The following ARHGEF26 variants were observed in gnomAD, a reference collection of about 807,000 sequenced individuals.
The protein encoded by ARHGEF26 is Rho guanine nucleotide exchange factor (GEF) 26.
In ARHGEF26, 59 loss-of-function variants were observed where a neutral mutation model predicts 89.4. That is an observed-to-expected ratio of 0.66 (90% CI 0.54 to 0.82). ARHGEF26 has a LOEUF of 0.82. Ranked by LOEUF, ARHGEF26 falls within the 40% of genes least tolerant of loss-of-function variation. ARHGEF26 has a pLI of 0.00. For missense variants in ARHGEF26, 1,234 were observed against 1,085.6 expected, an observed-to-expected ratio of 1.14 and a Z score of -1.92; for synonymous variants, 500 against 428.4, an observed-to-expected ratio of 1.17 and a Z score of -2.06.
chr3:154,225,834 C>T, intron 10 of ARHGEF26, 22 bp from the exon 11 acceptor site: 1 of 1,574,464 alleles, frequency 6.4e-7, no homozygotes, highest in East Asian at 2.3e-5. Context: ...GCTTTGGTCA[C>T]TGGGTTTTTC....
At chr3:154,211,180 C>T (rs1715338592) in intron 9 of ARHGEF26, among the ~76,000 whole-genome samples, 1 of 152,022 alleles carries the variant, frequency 6.6e-6, no homozygotes, top group African/African-American at 2.4e-5. Context: ...CATGTGAGCC[C>T]CCATTCCATT....
chr3:154,234,914 C>G (rs546027458), intron 11 of ARHGEF26, among the ~76,000 whole-genome samples: 1 of 152,086 alleles, frequency 6.6e-6, no homozygotes, highest in Non-Finnish European at 1.5e-5. Flanking sequence ...TACAGGCGCT[C>G]ACCACCGCGC....
chr3:154,247,578 A>G lies in ARHGEF26; in HGVS notation c.2301-5538A>G, dbSNP rs191189506. Among the ~76,000 whole-genome samples, 10 of 152,242 alleles carry G rather than the reference A, an allele frequency of 6.6e-5. 1 individual carries two copies. In the South Asian group the frequency reaches 1.5e-3, roughly 22 times the overall value. On this transcript the variant is annotated intron_variant, in intron 12 of 14. Transcript: ENST00000465093. ...TTTGTACATAGCGAGTAGGTTCCCAATAAATATTTTTGGGATTGACCCATA... is the reference window on the plus strand; with the variant it reads ...TTTGTACATAGCGAGTAGGTTCCCAGTAAATATTTTTGGGATTGACCCATA...
intron 10 of ARHGEF26, 113 bp from the exon 11 acceptor site, chr3:154,225,743 A>G: frequency 8.8e-7 from 1 of 1,131,800 alleles, no homozygotes; most frequent in Non-Finnish European, 1.2e-6. Flanking sequence ...TAAAACAATG[A>G]TGCATACTAT....
At chr3:154,139,251 TA>T (rs769155381) in intron 4 of ARHGEF26, among the ~76,000 whole-genome samples, 2 of 152,208 alleles carry the variant, frequency 1.3e-5, no homozygotes, top group Non-Finnish European at 2.9e-5. Context: ...CTCTGTTCTC[TA>T]AATTTTGGAG....
intron 6 of ARHGEF26, among the ~76,000 whole-genome samples, chr3:154,154,526 G>T (rs1720212520): frequency 6.6e-6 from 1 of 151,786 alleles, no homozygotes; most frequent in African/African-American, 2.4e-5. Context: ...ACATAAAGAA[G>T]AAAGTCTAGT....
intron 9 of ARHGEF26, among the ~76,000 whole-genome samples, chr3:154,199,161 A>C (rs1714467269): frequency 6.6e-6 from 1 of 151,538 alleles, no homozygotes; most frequent in East Asian, 1.9e-4. Flanking sequence ...GGTCTTGTTC[A>C]TTTTATTTTT....
At chr3:154,231,325 A>C (rs1306475584) in intron 11 of ARHGEF26, among the ~76,000 whole-genome samples, 1 of 152,146 alleles carries the variant, frequency 6.6e-6, no homozygotes, top group African/African-American at 2.4e-5. Flanking sequence ...CATTGCTGTT[A>C]AATGTTGAAA....
intron 6 of ARHGEF26, among the ~76,000 whole-genome samples, chr3:154,162,826 GGAAT>G (rs753010909): frequency 6.6e-6 from 1 of 152,072 alleles, no homozygotes. Context: ...GCTTGGGAAA[GGAAT>G]GAATGAATGA....
chr3:154,246,694 C>G lies in ARHGEF26; in HGVS notation c.2300+6115C>G, dbSNP rs747398596. Among the ~76,000 whole-genome samples, 5 of 152,210 alleles carry G rather than the reference C, an allele frequency of 3.3e-5. No homozygotes were observed. The South Asian group carries it at 1.0e-3, about 32-fold the overall frequency. ...TGGGGCAAACAATAAGAACCCTAAC[C>G]CTAATCCTGTTGGAGTAGTCGAGGG... On this transcript the variant is annotated intron_variant, in intron 12 of 14. Coordinates refer to ENST00000465093, the MANE Select transcript of ARHGEF26 (RefSeq NM_015595.4).
chr3:154,170,634 T>TGA (rs945974271), intron 6 of ARHGEF26, among the ~76,000 whole-genome samples: 1 of 152,236 alleles, frequency 6.6e-6, no homozygotes, highest in Non-Finnish European at 1.5e-5. Flanking sequence ...GTCATGTGTG[T>TGA]AAAATGGAGA....
At chr3:154,123,246 G>T (rs1161381751) in intron 2 of ARHGEF26, among the ~76,000 whole-genome samples, 171 bp downstream of exon 2, 2 of 152,150 alleles carry the variant, frequency 1.3e-5, no homozygotes, top group Non-Finnish European at 2.9e-5. Context: ...ATGCTGGCAG[G>T]CACAGCCGAG....
At chr3:154,206,552 A>T (rs1715030781) in intron 9 of ARHGEF26, among the ~76,000 whole-genome samples, 1 of 152,194 alleles carries the variant, frequency 6.6e-6, no homozygotes, top group South Asian at 2.1e-4. Flanking sequence ...AATACAGCTA[A>T]CAAGGGAAGT....
intron 9 of ARHGEF26, among the ~76,000 whole-genome samples, chr3:154,209,042 C>G (rs1001533941): frequency 5.3e-5 from 8 of 152,104 alleles, no homozygotes; most frequent in Admixed American, 2.0e-4. Context: ...GCTGGGATTA[C>G]AGGCGTGAGC....
intron 12 of ARHGEF26, among the ~76,000 whole-genome samples, chr3:154,247,043 C>G (rs1576827175): frequency 6.6e-6 from 1 of 152,276 alleles, no homozygotes; most frequent in Non-Finnish European, 1.5e-5. Flanking sequence ...GTTTCACACC[C>G]AGCAGTCCAA....
chr3:154,230,419 T>C (rs1458931933), intron 11 of ARHGEF26, among the ~76,000 whole-genome samples: 2 of 152,252 alleles, frequency 1.3e-5, no homozygotes, highest in Non-Finnish European at 2.9e-5. Flanking sequence ...TTCTTCATTT[T>C]ATTTTTCTAG....
chr3:154,165,925 C>T (rs190594293), intron 6 of ARHGEF26, among the ~76,000 whole-genome samples: 2 of 152,276 alleles, frequency 1.3e-5, no homozygotes, highest in African/African-American at 4.8e-5. Flanking sequence ...GCTTTGCAGA[C>T]ATTACCTTAG....
intron 7 of ARHGEF26, among the ~76,000 whole-genome samples, chr3:154,190,855 C>T (rs1473764566): frequency 1.3e-5 from 2 of 152,080 alleles, no homozygotes; most frequent in African/African-American, 4.8e-5. Context: ...ATTTCTTATG[C>T]CATTGTCTAG....
At chr3:154,148,081 T>A (rs991688294) in intron 4 of ARHGEF26, among the ~76,000 whole-genome samples, 2 of 152,160 alleles carry the variant, frequency 1.3e-5, no homozygotes, top group African/African-American at 4.8e-5. Flanking sequence ...ACAAAATGAC[T>A]CCTCTGGGCC....
Sources: allele counts gnomAD v4.1 joint callset (sites outside exome capture counted in the v4.1 genomes callset), GRCh38; gene constraint gnomAD v4.1.1; transcripts MANE v1.5; gene names NCBI Gene and HGNC (gene_info 2026-07-23, HGNC 2026-07-21).